WDFY4: variants seen among roughly 807,000 people sequenced by gnomAD.
WDFY4 encodes the protein WD repeat- and FYVE domain-containing protein 4.
Under a neutral mutation model 351.9 loss-of-function variants are expected in WDFY4, and 169 were observed. That is an observed-to-expected ratio of 0.48 (90% confidence interval 0.42 to 0.55). The LOEUF (loss-of-function observed/expected upper bound fraction) is 0.55, where lower values mean the gene tolerates loss of function less well. WDFY4 is among the 20% of genes least tolerant of loss of function. The probability of loss-of-function intolerance (pLI) is 0.00; values close to 1 mark genes in which losing one functional copy is unlikely to be tolerated. For missense variants in WDFY4, 3,803 were observed against 3,935.6 expected, an observed-to-expected ratio of 0.97 and a Z score of 0.90; for synonymous variants, 1,622 against 1,574.6, an observed-to-expected ratio of 1.03 and a Z score of -0.71.
At chr10:48,949,313 G>C (rs73298906) in intron 51 of WDFY4, among the ~76,000 whole-genome samples, 7,092 of 152,276 alleles carry the variant, frequency 0.047, 544 homozygotes, top group African/African-American at 0.16. Context: ...GCAAAAGAAA[G>C]AGCCACCTTC....
At position 48,729,516 on chromosome 10, in the gene WDFY4, G is replaced by A. The variant is rs1303532277; in HGVS notation, c.1056G>A (p.Arg352=). 5.2e-6 allele frequency: 8 copies of A among 1,551,622 alleles called. No individual in the cohort carries two copies. The highest frequency in any genetic ancestry group is 7.0e-6 in the Non-Finnish European group (8 of 1,147,012). The stretch of plus-strand genomic sequence containing the variant: ...TGGTGTGGCTGACAACCTGTGGGAG[G>A]TCAGAGCTGAAGGTGTTTGACAGCA... ...GLVVWLTTCG[R]SELKVFDSIT... Residue 352 remains arginine (R), a synonymous_variant, in exon 8 of 62, where the codon AGG becomes AGA. Coordinates refer to ENST00000325239, the MANE Select transcript of WDFY4 (RefSeq NM_001394531.1).
chr10:48,818,825 G>A (rs962843454), intron 32 of WDFY4, among the ~76,000 whole-genome samples: 3 of 152,232 alleles, frequency 2.0e-5, no homozygotes, highest in Admixed American at 6.5e-5. Context: ...AAGCAAACAA[G>A]AGTGAAGGAA....
chr10:48,908,522 T>C (rs1345027186), intron 47 of WDFY4, among the ~76,000 whole-genome samples: 1 of 152,246 alleles, frequency 6.6e-6, no homozygotes, highest in African/African-American at 2.4e-5. Flanking sequence ...ATATCTAGGC[T>C]GACTCGGTGT....
chr10:48,725,958 T>C lies in WDFY4; in HGVS notation c.669T>C (p.Ile223=), dbSNP rs558965993. The C allele has an allele frequency of 7.7e-6, 12 of 1,551,740 alleles. No individual in the cohort carries two copies. Among genetic ancestry groups the C allele is most frequent in the Non-Finnish European group, 1.0e-5 (12 of 1,146,990 alleles). The change falls in exon 6 of 62, where the codon ATT becomes ATC. Residue 223 remains isoleucine (I), a synonymous_variant. Coordinates refer to ENST00000325239, the MANE Select transcript of WDFY4 (RefSeq NM_001394531.1). ...GAAGTGAGCTGCAGTCTCTGCTGAT[T>C]GCCACGACCTGCCTTCGGGAGCACA... The part of the protein sequence containing the change: ...LSGSELQSLL[I]ATTCLREHSC...
chr10:48,779,046 C>A (rs2066132080), intron 18 of WDFY4, among the ~76,000 whole-genome samples: 1 of 152,194 alleles, frequency 6.6e-6, no homozygotes, highest in Non-Finnish European at 1.5e-5. Context: ...AAGTGTCAGG[C>A]AGATGAGGCC....
chr10:48,837,832 C>G (rs896895829), intron 39 of WDFY4, among the ~76,000 whole-genome samples: 7 of 152,328 alleles, frequency 4.6e-5, no homozygotes, highest in Admixed American at 4.6e-4. Flanking sequence ...CCACTTTCCT[C>G]CTGGGATCAA....
intron 2 of WDFY4, among the ~76,000 whole-genome samples, chr10:48,717,299 AC>A (rs2063940343): frequency 6.6e-6 from 1 of 152,208 alleles, no homozygotes; most frequent in Non-Finnish European, 1.5e-5. Context: ...ACAGTGTTTA[AC>A]AGTAATCCAA....
At chr10:48,910,551 G>T (rs58115027) in intron 47 of WDFY4, among the ~76,000 whole-genome samples, 1 of 152,186 alleles carries the variant, frequency 6.6e-6, no homozygotes. Context: ...ATAGAATGCG[G>T]AAGATGCCTC....
intron 47 of WDFY4, among the ~76,000 whole-genome samples, chr10:48,934,092 G>C (rs1433515665): frequency 6.6e-6 from 1 of 152,152 alleles, no homozygotes; most frequent in Non-Finnish European, 1.5e-5. Context: ...CAGCTTACAG[G>C]CCTGTCACAG....
At chr10:48,874,405 C>T (rs368104293) in intron 41 of WDFY4, among the ~76,000 whole-genome samples, 1 of 152,178 alleles carries the variant, frequency 6.6e-6, no homozygotes, top group Middle Eastern at 3.2e-3. Context: ...TCCTCAAAGG[C>T]GGCCTTCCAA....
rs1161946179 is a variant in WDFY4 at position 48,953,220 on chromosome 10, C to T, written c.7978-3909C>T. ...CCAGGATTGCTCCCTAGTTCTAATC[C>T]TAGTCTGTGAAGGGAAAAGGACACA... On this transcript the variant is annotated intron_variant, in intron 51 of 61. Transcript: ENST00000325239. Among the ~76,000 whole-genome samples the T allele has an allele frequency of 2.6e-5, 4 of 152,076 alleles. No individual in the cohort carries two copies. In the East Asian group the frequency reaches 7.7e-4, roughly 29 times the overall value.
intron 12 of WDFY4, 54 bp downstream of exon 12, chr10:48,743,602 C>G (rs2064923107): frequency 6.7e-7 from 1 of 1,489,772 alleles, no homozygotes; most frequent in African/African-American, 1.4e-5. Flanking sequence ...CATTCTCACT[C>G]TAACGTCTTG....
chr10:48,925,916 C>G (rs1401416451), intron 47 of WDFY4, among the ~76,000 whole-genome samples: 1 of 152,146 alleles, frequency 6.6e-6, no homozygotes, highest in Non-Finnish European at 1.5e-5. Context: ...AGCAAAATAT[C>G]TTATAGTAAA....
Position 48,844,563 on chromosome 10 carries a change from G to C in WDFY4, c.6663+11854G>C, listed in dbSNP as rs183940831. 3.6e-3 allele frequency among the ~76,000 whole-genome samples: 550 copies of C among 152,226 alleles called. 4 individuals are homozygous for C. Among genetic ancestry groups the C allele is most frequent in the African/African-American group, 0.013 (524 of 41,530 alleles). ...GCCGAGATTGAGCCATTGCCCTCCAGCCTAGGTGACAACAGCAAAACTCCT... is the reference window on the plus strand; with the variant it reads ...GCCGAGATTGAGCCATTGCCCTCCACCCTAGGTGACAACAGCAAAACTCCT... On this transcript the variant is annotated intron_variant, in intron 39 of 61. Coordinates refer to ENST00000325239, the MANE Select transcript of WDFY4 (RefSeq NM_001394531.1).
At chr10:48,689,295 G>T (rs1001739999) in intron 1 of WDFY4, among the ~76,000 whole-genome samples, 1 of 152,160 alleles carries the variant, frequency 6.6e-6, no homozygotes, top group Non-Finnish European at 1.5e-5. Flanking sequence ...TGAGGTATCT[G>T]CACTCCTTAA....
At chr10:48,958,227 T>C (rs900491903) in intron 52 of WDFY4, among the ~76,000 whole-genome samples, 14 of 152,320 alleles carry the variant, frequency 9.2e-5, no homozygotes, top group Non-Finnish European at 1.9e-4. Context: ...GGCCAGACAG[T>C]GAGCCAGGCC....
intron 43 of WDFY4, chr10:48,884,490 A>G (rs1258163964): frequency 6.6e-6 from 1 of 152,142 alleles, no homozygotes; most frequent in Non-Finnish European, 1.5e-5. Flanking sequence ...ACACACACAC[A>G]TGCATGCACA....
At chr10:48,925,279 G>T (rs963555601) in intron 47 of WDFY4, among the ~76,000 whole-genome samples, 5 of 152,184 alleles carry the variant, frequency 3.3e-5, no homozygotes, top group African/African-American at 1.2e-4. Context: ...GAATGGTCAT[G>T]CTCCCTCTAA....
In WDFY4 at chr10:48,703,722, A is replaced by G. The variant is rs531946965; in HGVS notation, c.-17-5994A>G. ...ATCACTCAATAGAAAGTCAGGGATG[A>G]AAACAGTCATCAAAATGTTTACTTA... On this transcript the variant is annotated intron_variant, in intron 1 of 61. Transcript: ENST00000325239. Among the ~76,000 whole-genome samples, 454 of 152,324 alleles carry G rather than the reference A, an allele frequency of 3.0e-3. 2 individuals are homozygous for G. The highest frequency in any genetic ancestry group is 6.5e-3 in the Admixed American group (99 of 15,302).
Sources: allele counts gnomAD v4.1 joint callset (sites outside exome capture counted in the v4.1 genomes callset), GRCh38; gene constraint gnomAD v4.1.1; transcripts MANE v1.5; gene names NCBI Gene and HGNC (gene_info 2026-07-23, HGNC 2026-07-21).